METAP1D: variants seen among roughly 807,000 people sequenced by gnomAD.
The protein encoded by METAP1D is methionyl aminopeptidase type 1D, mitochondrial.
A neutral mutation model predicts 40.5 loss-of-function variants in METAP1D; 31 were observed. The ratio of observed to expected loss-of-function variants is 0.77; its 90% confidence interval spans 0.58 to 1.03. The LOEUF (loss-of-function observed/expected upper bound fraction) is 1.03. Ranked by LOEUF, METAP1D falls within the 50% of genes least tolerant of loss-of-function variation. The probability of loss-of-function intolerance (pLI) is 0.00; values close to 1 mark genes in which losing one functional copy is unlikely to be tolerated. For missense variants in METAP1D, 411 were observed against 420.7 expected (o/e 0.98, Z 0.20); for synonymous variants, 151 against 146.4 (o/e 1.03, Z -0.22).
At chr2:172,022,026 C>T (rs1463485761) in intron 1 of METAP1D, among the ~76,000 whole-genome samples, 3 of 152,134 alleles carry the variant, frequency 2.0e-5, no homozygotes, top group Non-Finnish European at 4.4e-5. Flanking sequence ...CTTTTAATTT[C>T]ATTTTTTAGT....
intron 8 of METAP1D, 23 bp downstream of exon 8, chr2:172,079,285 G>GT (rs762411585): frequency 6.2e-7 from 1 of 1,613,410 alleles, no homozygotes; most frequent in Non-Finnish European, 8.5e-7. Context: ...CCTCTTCCGA[G>GT]TGAGTGCGTA....
At chr2:172,066,190 C>T in intron 4 of METAP1D, 74 bp from the exon 5 acceptor site, 1 of 1,225,676 alleles carries the variant, frequency 8.2e-7, no homozygotes. Context: ...TGACAGTAGT[C>T]ATTAAGTATT....
Position 172,042,677 on chromosome 2 carries a change from GTA to G in METAP1D, c.41-18819_41-18818del, listed in dbSNP as rs1374162380. ...TGTATATGTGTACACATATACGTGT[GTA>G]TGTGTATATGTGTACACATATACGT... On this transcript the variant is annotated intron_variant, in intron 1 of 9. Transcript: ENST00000315796. 1.0e-3 allele frequency among the ~76,000 whole-genome samples: 32 copies of G among 31,230 alleles called. 15 individuals are homozygous for G. The highest frequency in any genetic ancestry group is 1.5e-3 in the Admixed American group (4 of 2,658). The allele number at this position is 31,230 out of a possible 152,430, so 20.5% of individuals were successfully genotyped here.
intron 1 of METAP1D, among the ~76,000 whole-genome samples, chr2:172,052,876 A>G (rs1689915623): frequency 6.6e-6 from 1 of 152,184 alleles, no homozygotes; most frequent in Non-Finnish European, 1.5e-5. Context: ...GCTTTGCCCA[A>G]TCAGTATCTG....
At chr2:172,079,341 G>A (rs935433822) in intron 8 of METAP1D, 79 bp downstream of exon 8, 1 of 1,315,444 alleles carries the variant, frequency 7.6e-7, no homozygotes, top group African/African-American at 1.4e-5. Context: ...CGGCAGTCCG[G>A]TGAAGGACCA....
Position 172,080,135 on chromosome 2 carries a change from C to T in METAP1D, c.858C>T (p.Ile286=), listed in dbSNP as rs766275364. Residue 286 remains isoleucine (I), a synonymous_variant, in exon 9 of 10, where the codon ATC becomes ATT. Transcript: ENST00000315796. Reference sequence around the variant, plus strand: ...ATATTTTTCCTCTTACAGAGCCAATCATCACGGAGGGATCCCCTGAATTTA... The same window carrying T: ...ATATTTTTCCTCTTACAGAGCCAATTATCACGGAGGGATCCCCTGAATTTA... The part of the protein sequence containing the change: ...EEGMAFTIEP[I]ITEGSPEFKV... The T allele has an allele frequency of 5.0e-6, 8 of 1,613,820 alleles. No homozygotes were observed. The highest frequency in any genetic ancestry group is 4.0e-5 in the African/African-American group (3 of 74,936).
At chr2:172,043,271 GTA>G (rs2105444373) in intron 1 of METAP1D, among the ~76,000 whole-genome samples, 1 of 131,408 alleles carries the variant, frequency 7.6e-6, no homozygotes, top group Non-Finnish European at 1.8e-5. Flanking sequence ...AAAAAAAATA[GTA>G]TTCTTTTATT....
rs532623601 is a variant in METAP1D at position 172,060,931 on chromosome 2, C to A, written c.41-567C>A. Among the ~76,000 whole-genome samples the A allele has an allele frequency of 1.2e-4, 19 of 152,170 alleles. No individual in the cohort carries two copies. In the South Asian group the frequency reaches 3.7e-3, roughly 30 times the overall value. ...AATTCCTGTTGTGAGTACTTCAAACCCTATATTCATTTTCTTTCAGTGTTA... is the reference window on the plus strand; with the variant it reads ...AATTCCTGTTGTGAGTACTTCAAACACTATATTCATTTTCTTTCAGTGTTA... On this transcript the variant is annotated intron_variant, in intron 1 of 9. Transcript: ENST00000315796.
chr2:172,060,416 CAAA>C (rs757713609), intron 1 of METAP1D, among the ~76,000 whole-genome samples: 7 of 60,766 alleles, frequency 1.2e-4, no homozygotes, highest in Admixed American at 1.8e-4. Context: ...GACCCTGTCT[CAAA>C]AAAAAAAAAA....
At chr2:172,041,018 G>T (rs1026782563) in intron 1 of METAP1D, among the ~76,000 whole-genome samples, 2 of 150,888 alleles carry the variant, frequency 1.3e-5, no homozygotes, top group South Asian at 2.1e-4. Flanking sequence ...CGCCCGCCTC[G>T]GCCTCCCAAA....
chr2:172,009,813 G>A (rs1449597511), intron 1 of METAP1D, among the ~76,000 whole-genome samples: 1 of 152,082 alleles, frequency 6.6e-6, no homozygotes, highest in Non-Finnish European at 1.5e-5. Context: ...AGAAGGACCT[G>A]AACTAGGGTA....
intron 1 of METAP1D, among the ~76,000 whole-genome samples, chr2:172,048,707 A>G (rs1422276028): frequency 6.6e-6 from 1 of 152,236 alleles, no homozygotes; most frequent in Non-Finnish European, 1.5e-5. Flanking sequence ...ACACTCCAGT[A>G]GAAGCATACT....
At chr2:172,074,219 T>C (rs920820225) in intron 6 of METAP1D, among the ~76,000 whole-genome samples, 5 of 152,202 alleles carry the variant, frequency 3.3e-5, no homozygotes, top group Non-Finnish European at 5.9e-5. Context: ...GACAGTTCAA[T>C]CAAAAATAAT....
chr2:172,066,008 T>C (rs968651176), intron 4 of METAP1D, among the ~76,000 whole-genome samples: 1 of 152,234 alleles, frequency 6.6e-6, no homozygotes, highest in Non-Finnish European at 1.5e-5. Flanking sequence ...TAGATTTTAA[T>C]CATATAAGTG....
At chr2:172,066,779 C>T (rs1690292570) in intron 5 of METAP1D, among the ~76,000 whole-genome samples, 1 of 152,160 alleles carries the variant, frequency 6.6e-6, no homozygotes. Context: ...TCATTAGGGG[C>T]TACATTGGCC....
chr2:172,001,551 AAATAAAAAT>A (rs1362369766), intron 1 of METAP1D, among the ~76,000 whole-genome samples: 3 of 152,074 alleles, frequency 2.0e-5, no homozygotes, highest in Non-Finnish European at 4.4e-5. Context: ...AAAAAAAAAT[AAATAAAAAT>A]AATAAAAAAT....
At chr2:172,054,853 T>C (rs1235095317) in intron 1 of METAP1D, among the ~76,000 whole-genome samples, 1 of 152,210 alleles carries the variant, frequency 6.6e-6, no homozygotes, top group Non-Finnish European at 1.5e-5. Flanking sequence ...TGATAGAATT[T>C]TTGTAACACT....
At chr2:172,042,220 TGTGTACAC>T (rs1192764663) in intron 1 of METAP1D, among the ~76,000 whole-genome samples, 117 of 10,872 alleles carry the variant, frequency 0.011, 13 homozygotes, top group Admixed American at 0.042. Flanking sequence ...TATGTGTACA[TGTGTACAC>T]ATATACATAT....
chr2:172,017,363 G>GTA lies in METAP1D; in HGVS notation c.40+17362_40+17363dup, dbSNP rs532942162. Among the ~76,000 whole-genome samples the GTA allele has an allele frequency of 3.5e-4, 52 of 146,608 alleles. No individual in the cohort carries two copies. The South Asian group carries it at 5.4e-3, about 15-fold the overall frequency. On this transcript the variant is annotated intron_variant, in intron 1 of 9. Transcript: ENST00000315796. ...TATATGTGTATATATAGGTATATAT[G>GTA]TATATATATGTGTATATATATGTAT...
Sources: gnomAD v4.1 joint callset for allele counts (sites outside exome capture counted in the v4.1 genomes callset) on GRCh38, gnomAD v4.1.1 for gene constraint, MANE v1.5 for transcripts, NCBI Gene and HGNC (gene_info 2026-07-23, HGNC 2026-07-21) for gene names.